Variants in FNDC3B observed in about 807,000 individuals in gnomAD.
The protein encoded by FNDC3B is fibronectin type III domain-containing protein 3B.
In FNDC3B, 12 loss-of-function variants were observed where a neutral mutation model predicts 151.5. The observed-to-expected ratio is 0.08, with a 90% CI of 0.05 to 0.13. The LOEUF is 0.13. Ranked by LOEUF, FNDC3B falls within the 10% of genes least tolerant of loss-of-function variation. FNDC3B has a pLI of 1.00. For missense variants in FNDC3B, 1,214 were observed against 1,505.3 expected (o/e 0.81, Z 3.20); for synonymous variants, 528 against 549.0 (o/e 0.96, Z 0.54).
intron 6 of FNDC3B, among the ~76,000 whole-genome samples, chr3:172,282,747 G>C (rs192393558): frequency 6.6e-6 from 1 of 152,148 alleles, no homozygotes; most frequent in African/African-American, 2.4e-5. Flanking sequence ...TTCTTTCTCA[G>C]TGTCCTCTCC....
intron 3 of FNDC3B, among the ~76,000 whole-genome samples, chr3:172,139,266 A>G (rs1232622910): frequency 6.6e-6 from 1 of 152,180 alleles, no homozygotes; most frequent in African/African-American, 2.4e-5. Flanking sequence ...TAAGAATTTT[A>G]TGACAGGTCC....
At chr3:172,382,866 T>G (rs543802410) in intron 25 of FNDC3B, among the ~76,000 whole-genome samples, 187 of 152,334 alleles carry the variant, frequency 1.2e-3, no homozygotes, top group African/African-American at 3.8e-3. Flanking sequence ...TTTTGGTTAC[T>G]GTAGCCTTGT....
chr3:172,305,461 T>C (rs1731150716), intron 9 of FNDC3B, among the ~76,000 whole-genome samples: 1 of 152,186 alleles, frequency 6.6e-6, no homozygotes, highest in Non-Finnish European at 1.5e-5. Context: ...ACTGCATCCG[T>C]GTTGTGTTGC....
intron 3 of FNDC3B, among the ~76,000 whole-genome samples, chr3:172,205,890 G>A (rs1330403072): frequency 2.0e-5 from 3 of 152,068 alleles, no homozygotes; most frequent in African/African-American, 7.2e-5. Flanking sequence ...AGTAGATAGG[G>A]CTGGGTAATA....
chr3:172,307,532 C>A, intron 10 of FNDC3B, 31 bp downstream of exon 10: 1 of 1,612,766 alleles, frequency 6.2e-7, no homozygotes, highest in South Asian at 1.1e-5. Context: ...AGAATCGTCT[C>A]AATTTAAAAA....
At chr3:172,337,760 T>C (rs1733059881) in intron 16 of FNDC3B, 1 of 242,342 alleles carries the variant, frequency 4.1e-6, no homozygotes, top group Non-Finnish European at 8.1e-6. Flanking sequence ...ACATGGCCCA[T>C]TGCAGTCTCA....
At chr3:172,041,683 G>A (rs923876190) in intron 1 of FNDC3B, among the ~76,000 whole-genome samples, 1 of 151,920 alleles carries the variant, frequency 6.6e-6, no homozygotes, top group African/African-American at 2.4e-5. Flanking sequence ...TTCTGCTGCC[G>A]GAGTTGCTCC....
intron 3 of FNDC3B, among the ~76,000 whole-genome samples, chr3:172,195,931 G>A (rs1201940656): frequency 6.6e-6 from 1 of 152,182 alleles, no homozygotes; most frequent in Non-Finnish European, 1.5e-5. Context: ...AAACCCTTTA[G>A]ATTTCAAAGA....
chr3:172,300,340 T>C (rs1161123344), intron 9 of FNDC3B, among the ~76,000 whole-genome samples: 2 of 152,270 alleles, frequency 1.3e-5, no homozygotes, highest in African/African-American at 4.8e-5. Flanking sequence ...ATTGTTCCTG[T>C]GGTTAGTAAA....
intron 3 of FNDC3B, among the ~76,000 whole-genome samples, chr3:172,190,661 T>G (rs190455895): frequency 1.8e-4 from 24 of 135,566 alleles, no homozygotes; most frequent in African/African-American, 7.4e-4. Flanking sequence ...GTGTCTTTTT[T>G]TGTTTTGTTT....
chr3:172,191,642 G>T (rs775207618), intron 3 of FNDC3B, among the ~76,000 whole-genome samples: 1 of 152,076 alleles, frequency 6.6e-6, no homozygotes, highest in Non-Finnish European at 1.5e-5. Context: ...GACTACAGGT[G>T]CATGCCACCA....
At chr3:172,378,465 C>G (rs768225375) in intron 24 of FNDC3B, 29 bp downstream of exon 24, 28 of 1,552,678 alleles carry the variant, frequency 1.8e-5, no homozygotes, top group Non-Finnish European at 2.2e-5. Flanking sequence ...CTTTCTCGCT[C>G]TCTTGTGAGA....
chr3:172,366,509 A>G (rs1734628525), intron 23 of FNDC3B, among the ~76,000 whole-genome samples: 3 of 152,212 alleles, frequency 2.0e-5, no homozygotes, highest in Non-Finnish European at 4.4e-5. Flanking sequence ...TGATAAGTTG[A>G]ATTGATTTCA....
At chr3:172,149,346 G>A (rs1471436091) in intron 3 of FNDC3B, among the ~76,000 whole-genome samples, 3 of 152,206 alleles carry the variant, frequency 2.0e-5, no homozygotes, top group African/African-American at 7.2e-5. Flanking sequence ...CTGAGAAGAG[G>A]AAGAGGGTCC....
intron 1 of FNDC3B, among the ~76,000 whole-genome samples, chr3:172,056,891 G>GTC (rs1435101641): frequency 3.3e-5 from 5 of 152,118 alleles, no homozygotes; most frequent in African/African-American, 1.2e-4. Context: ...CATCCTTAAT[G>GTC]TCATACTCGA....
intron 22 of FNDC3B, among the ~76,000 whole-genome samples, chr3:172,360,813 C>T (rs1033987850): frequency 3.3e-5 from 5 of 152,208 alleles, no homozygotes; most frequent in Non-Finnish European, 5.9e-5. Context: ...ACTGGTACCA[C>T]ACTCTCTTGA....
At chr3:172,283,115 C>A (rs1424571889) in intron 6 of FNDC3B, among the ~76,000 whole-genome samples, 4 of 152,192 alleles carry the variant, frequency 2.6e-5, no homozygotes, top group Admixed American at 6.5e-5. Flanking sequence ...TGATTGTAAT[C>A]AAAGGCAAAC....
At chr3:172,228,891 G>C (rs1262317681) in intron 4 of FNDC3B, among the ~76,000 whole-genome samples, 2 of 152,078 alleles carry the variant, frequency 1.3e-5, no homozygotes, top group Non-Finnish European at 2.9e-5. Flanking sequence ...ATCTGAAAAA[G>C]ATTGTTAATA....
chr3:172,156,515 A>C (rs1317797053), intron 3 of FNDC3B, among the ~76,000 whole-genome samples: 1 of 152,220 alleles, frequency 6.6e-6, no homozygotes, highest in African/African-American at 2.4e-5. Context: ...TGCAGCCAGC[A>C]AGTGACTGGC....
Sources: gnomAD v4.1 joint callset for allele counts (sites outside exome capture counted in the v4.1 genomes callset) on GRCh38, gnomAD v4.1.1 for gene constraint, MANE v1.5 for transcripts, NCBI Gene and HGNC (gene_info 2026-07-23, HGNC 2026-07-21) for gene names.